RORA: variants seen among roughly 807,000 people sequenced by gnomAD.
The protein encoded by RORA is RAR related orphan receptor A.
Under a neutral mutation model 69.5 loss-of-function variants are expected in RORA, and 7 were observed. The observed-to-expected ratio is 0.10, with a 90% CI of 0.06 to 0.19. The LOEUF is 0.19. Ranked by LOEUF, RORA falls within the 10% of genes least tolerant of loss-of-function variation. RORA has a pLI of 1.00. For missense variants in RORA, 457 were observed against 663.0 expected (o/e 0.69, Z 3.41); for synonymous variants, 261 against 240.8 (o/e 1.08, Z -0.78).
At chr15:60,834,865 G>C (rs186724633) in intron 1 of RORA, among the ~76,000 whole-genome samples, 1 of 151,774 alleles carries the variant, frequency 6.6e-6, no homozygotes, top group Admixed American at 6.5e-5. Context: ...CACTGCAATA[G>C]TATATTTTCC....
chr15:61,180,532 T>C (rs2079674473), intron 1 of RORA, among the ~76,000 whole-genome samples: 1 of 152,210 alleles, frequency 6.6e-6, no homozygotes, highest in African/African-American at 2.4e-5. Flanking sequence ...TTCCTGGCAA[T>C]ATCTTATTCA....
chr15:60,502,611 G>T, intron 8 of RORA, 149 bp downstream of exon 8: 1 of 647,768 alleles, frequency 1.5e-6, no homozygotes, highest in Non-Finnish European at 2.7e-6. Context: ...CTTTTCTACA[G>T]TGACTAACTA....
chr15:61,166,087 C>G (rs2140888264), intron 1 of RORA, among the ~76,000 whole-genome samples: 1 of 152,282 alleles, frequency 6.6e-6, no homozygotes, highest in South Asian at 2.1e-4. Context: ...GGGGCATCAG[C>G]CCAATGAAAG....
chr15:61,138,328 C>T (rs1437347884), intron 1 of RORA, among the ~76,000 whole-genome samples: 1 of 152,084 alleles, frequency 6.6e-6, no homozygotes, highest in Non-Finnish European at 1.5e-5. Flanking sequence ...AAAAGTGACT[C>T]ACATAGACGT....
At chr15:60,981,354 T>C (rs1312494651) in intron 1 of RORA, among the ~76,000 whole-genome samples, 10 of 152,154 alleles carry the variant, frequency 6.6e-5, no homozygotes, top group Non-Finnish European at 1.5e-4. Context: ...ATATTTTTTA[T>C]CAAATTTGCA....
intron 1 of RORA, among the ~76,000 whole-genome samples, chr15:61,053,279 A>C (rs966951063): frequency 6.6e-6 from 1 of 151,514 alleles, no homozygotes; most frequent in African/African-American, 2.4e-5. Flanking sequence ...TTTTTTGAAC[A>C]CAAAAATCAG....
Position 61,196,635 on chromosome 15 carries a change from A to C in RORA, c.166+32418T>G, listed in dbSNP as rs556944899. Among the ~76,000 whole-genome samples, 153 of 152,360 alleles carry C rather than the reference A, an allele frequency of 1.0e-3. 2 individuals are homozygous for C. Among genetic ancestry groups the C allele is most frequent in the Non-Finnish European group, 4.7e-4 (32 of 68,036 alleles). On this transcript the variant is annotated intron_variant, in intron 1 of 10. Transcript: ENST00000335670. ...CGACTCAGTTAGCCATAATATTATG[A>C]AATATGTCTCAAACAACTGGATTTC...
At chr15:61,049,329 C>T (rs947684655) in intron 1 of RORA, among the ~76,000 whole-genome samples, 2 of 152,302 alleles carry the variant, frequency 1.3e-5, no homozygotes, top group South Asian at 4.2e-4. Context: ...AACATCCTCC[C>T]ATTTGGATTT....
intron 1 of RORA, among the ~76,000 whole-genome samples, chr15:60,814,787 A>G (rs1049749171): frequency 6.6e-6 from 1 of 152,172 alleles, no homozygotes; most frequent in Non-Finnish European, 1.5e-5. Context: ...ATCATTACCT[A>G]TCAGCTTCTC....
intron 1 of RORA, among the ~76,000 whole-genome samples, chr15:60,907,320 C>T (rs1376008610): frequency 6.6e-6 from 1 of 152,136 alleles, no homozygotes; most frequent in African/African-American, 2.4e-5. Flanking sequence ...CTAAATGTCT[C>T]TCATGTCCTG....
chr15:61,224,929 T>C (rs2080132229), intron 1 of RORA, among the ~76,000 whole-genome samples: 1 of 152,176 alleles, frequency 6.6e-6, no homozygotes, highest in African/African-American at 2.4e-5. Flanking sequence ...GTTTCAGACG[T>C]AGAGGCATTT....
At position 61,156,218 on chromosome 15, in the gene RORA, A is replaced by C. The variant is rs193118400; in HGVS notation, c.166+72835T>G. ...AAAGAGAGGAAAACAAGGGGGGAAA[A>C]GTTTGAAGATATGTATTAAGATATG... On this transcript the variant is annotated intron_variant, in intron 1 of 10. Coordinates refer to ENST00000335670, the MANE Select transcript of RORA (RefSeq NM_134261.3). Among the ~76,000 whole-genome samples the C allele has an allele frequency of 3.4e-3, 514 of 152,124 alleles. 4 individuals carry two copies. Among genetic ancestry groups the C allele is most frequent in the Non-Finnish European group, 4.5e-3 (304 of 67,998 alleles).
At chr15:60,652,006 T>C (rs748270591) in intron 2 of RORA, among the ~76,000 whole-genome samples, 11 of 152,178 alleles carry the variant, frequency 7.2e-5, no homozygotes, top group Non-Finnish European at 1.5e-4. Flanking sequence ...GGTGTCCTTT[T>C]ACCTTGTTCC....
intron 1 of RORA, among the ~76,000 whole-genome samples, chr15:61,202,059 G>A (rs2140927359): frequency 6.7e-6 from 1 of 150,188 alleles, no homozygotes; most frequent in East Asian, 2.0e-4. Flanking sequence ...CGAGGCTGGA[G>A]TGCAGTGGTG....
intron 2 of RORA, among the ~76,000 whole-genome samples, chr15:60,587,014 C>T (rs780536833): frequency 2.6e-5 from 4 of 152,264 alleles, no homozygotes; most frequent in South Asian, 2.1e-4. Context: ...CACGAGAATT[C>T]GTAAGCTTTA....
chr15:60,768,363 A>G (rs2072021174), intron 1 of RORA, among the ~76,000 whole-genome samples: 1 of 152,220 alleles, frequency 6.6e-6, no homozygotes, highest in South Asian at 2.1e-4. Flanking sequence ...TTAATCAAGA[A>G]AGAAACAATT....
intron 1 of RORA, among the ~76,000 whole-genome samples, chr15:60,782,833 T>C (rs1163379695): frequency 1.3e-5 from 2 of 152,230 alleles, no homozygotes; most frequent in African/African-American, 2.4e-5. Context: ...ACCCTAATGC[T>C]GGCCAAGCTG....
intron 1 of RORA, among the ~76,000 whole-genome samples, chr15:60,697,445 AC>A (rs2070921332): frequency 6.6e-6 from 1 of 152,098 alleles, no homozygotes; most frequent in Non-Finnish European, 1.5e-5. Flanking sequence ...CCTAAACACA[AC>A]CTTTTTAAGG....
intron 1 of RORA, among the ~76,000 whole-genome samples, chr15:61,218,674 T>TCACACACACACACACA (rs3054672): frequency 1.0e-4 from 15 of 142,946 alleles, no homozygotes; most frequent in African/African-American, 1.3e-4. Flanking sequence ...CTAATATAAC[T>TCACACACACACACACA]CACACACACA....
Sources: allele counts gnomAD v4.1 joint callset (sites outside exome capture counted in the v4.1 genomes callset), GRCh38; gene constraint gnomAD v4.1.1; transcripts MANE v1.5; gene names NCBI Gene and HGNC (gene_info 2026-07-23, HGNC 2026-07-21).